CREB5: variants seen among roughly 807,000 people sequenced by gnomAD.
CREB5 encodes cAMP responsive element binding protein 5, also known as cyclic AMP-responsive element-binding protein 5.
In CREB5, 19 loss-of-function variants were observed where a neutral mutation model predicts 57.1. That is an observed-to-expected ratio of 0.33 (90% CI 0.23 to 0.49). CREB5 has a LOEUF of 0.49. CREB5 is among the 20% of genes least tolerant of loss of function. The probability of loss-of-function intolerance (pLI) is 0.99; values close to 1 mark genes in which losing one functional copy is unlikely to be tolerated. For synonymous variants in CREB5, 238 were observed against 238.3 expected (o/e 1.00, Z 0.01); for missense variants, 579 against 671.6 (o/e 0.86, Z 1.52).
chr7:28,800,261 T>C (rs946958810), intron 7 of CREB5, among the ~76,000 whole-genome samples: 3 of 152,198 alleles, frequency 2.0e-5, no homozygotes, highest in Admixed American at 1.3e-4. Context: ...AAAGGGGATG[T>C]CTGAAGTACA....
chr7:28,473,138 C>T (rs1790898985), intron 1 of CREB5, among the ~76,000 whole-genome samples: 1 of 152,126 alleles, frequency 6.6e-6, no homozygotes, highest in Non-Finnish European at 1.5e-5. Context: ...GCCTGGGCAA[C>T]ATAGTGGGAC....
chr7:28,382,435 T>C (rs1446451876), intron 1 of CREB5, among the ~76,000 whole-genome samples: 2 of 120,292 alleles, frequency 1.7e-5, no homozygotes, highest in Non-Finnish European at 4.0e-5. Flanking sequence ...ATGCAATGAT[T>C]GAGAATAAAT....
At chr7:28,760,527 C>T (rs1379350748) in intron 7 of CREB5, among the ~76,000 whole-genome samples, 1 of 152,196 alleles carries the variant, frequency 6.6e-6, no homozygotes, top group Non-Finnish European at 1.5e-5. Flanking sequence ...CTTACCATAA[C>T]TCATGTAGGG....
intron 4 of CREB5, among the ~76,000 whole-genome samples, chr7:28,523,095 C>G (rs1166191589): frequency 6.6e-6 from 1 of 152,180 alleles, no homozygotes; most frequent in Non-Finnish European, 1.5e-5. Context: ...AGACCAATGT[C>G]TGCTTGAATG....
chr7:28,380,878 C>A (rs1786953661), intron 1 of CREB5, among the ~76,000 whole-genome samples: 1 of 152,088 alleles, frequency 6.6e-6, no homozygotes, highest in Admixed American at 6.6e-5. Context: ...CAACTGAGAT[C>A]CTATATGTGA....
chr7:28,642,232 C>A (rs140926426), intron 5 of CREB5, among the ~76,000 whole-genome samples: 1 of 152,104 alleles, frequency 6.6e-6, no homozygotes, highest in South Asian at 2.1e-4. Flanking sequence ...CTTGTGGGAC[C>A]TATGCTGATA....
At chr7:28,631,433 C>A (rs1798197286) in intron 5 of CREB5, among the ~76,000 whole-genome samples, 1 of 152,208 alleles carries the variant, frequency 6.6e-6, no homozygotes, top group Non-Finnish European at 1.5e-5. Context: ...AAATGACCAC[C>A]TCCCAGGGTT....
intron 7 of CREB5, among the ~76,000 whole-genome samples, chr7:28,784,004 T>C (rs954140564): frequency 6.6e-6 from 1 of 152,172 alleles, no homozygotes; most frequent in Non-Finnish European, 1.5e-5. Flanking sequence ...ACCACCAAAA[T>C]GTGCCCAGAA....
intron 1 of CREB5, among the ~76,000 whole-genome samples, chr7:28,463,825 A>G (rs1199946994): frequency 2.0e-5 from 3 of 152,254 alleles, no homozygotes; most frequent in East Asian, 3.9e-4. Context: ...TTAGTTGGAT[A>G]ATTCCTTAGT....
chr7:28,804,054 G>A (rs187519965), intron 7 of CREB5, 145 bp from the exon 8 acceptor site: 7 of 735,418 alleles, frequency 9.5e-6, no homozygotes, highest in African/African-American at 3.6e-5. Flanking sequence ...TCTTGTACTG[G>A]TAGCAAGATA....
rs1809927510 is a variant in CREB5, at chr7:28,824,009, TCTC to T, written c.*4731_*4733del. On this transcript the variant is annotated 3_prime_UTR_variant, in exon 11 of 11. Transcript: ENST00000357727. Reference sequence around the variant, plus strand: ...TTCTCTTATTCTCTTTCTAACCTCTTCTCTGTCCTCAAACTTGCCTTTGCTCTC... The same window carrying T: ...TTCTCTTATTCTCTTTCTAACCTCTTTGTCCTCAAACTTGCCTTTGCTCTC... 1 of 152,622 alleles carries T rather than the reference TCTC, an allele frequency of 6.6e-6. No individual in the cohort carries two copies. The highest frequency in any genetic ancestry group is 1.5e-5 in the Non-Finnish European group (1 of 68,060). 9.5% of individuals were successfully genotyped at this position (152,622 alleles called of 1,614,324 possible).
At chr7:28,302,830 G>T (rs765178652) in intron 1 of CREB5, among the ~76,000 whole-genome samples, 12 of 152,094 alleles carry the variant, frequency 7.9e-5, no homozygotes, top group Non-Finnish European at 1.6e-4. Flanking sequence ...GGACCCACAA[G>T]AATTACATAA....
intron 1 of CREB5, among the ~76,000 whole-genome samples, chr7:28,447,043 G>C (rs1260796428): frequency 2.0e-5 from 3 of 152,082 alleles, no homozygotes; most frequent in African/African-American, 7.2e-5. Flanking sequence ...GTGTCCCTGG[G>C]CAAGTTACTA....
intron 4 of CREB5, among the ~76,000 whole-genome samples, chr7:28,535,732 A>C (rs1431739291): frequency 6.6e-6 from 1 of 152,152 alleles, no homozygotes; most frequent in African/African-American, 2.4e-5. Context: ...GAAGGAAGAA[A>C]GGGAGAAAAG....
chr7:28,676,747 C>A (rs1490294151), intron 5 of CREB5, among the ~76,000 whole-genome samples: 3 of 152,112 alleles, frequency 2.0e-5, no homozygotes, highest in African/African-American at 7.2e-5. Flanking sequence ...TAGATGGGTA[C>A]CTTGCAATAG....
chr7:28,450,957 T>G (rs1176233821), intron 1 of CREB5, among the ~76,000 whole-genome samples: 1 of 152,212 alleles, frequency 6.6e-6, no homozygotes, highest in Non-Finnish European at 1.5e-5. Flanking sequence ...TAGAAGGAAC[T>G]CTAGGTCTAT....
intron 7 of CREB5, among the ~76,000 whole-genome samples, chr7:28,731,402 C>T (rs1470605722): frequency 1.3e-5 from 2 of 152,132 alleles, no homozygotes; most frequent in South Asian, 2.1e-4. Context: ...TCCAAATACA[C>T]GAGAATATAC....
intron 5 of CREB5, among the ~76,000 whole-genome samples, chr7:28,712,149 A>G (rs562849259): frequency 3.3e-5 from 5 of 152,232 alleles, no homozygotes; most frequent in Admixed American, 6.5e-5. Context: ...TCCATTTTAC[A>G]ATGTAATTAT....
At chr7:28,560,817 TGTGTGCGCGCGCGCGC>T (rs1298823796) in intron 4 of CREB5, among the ~76,000 whole-genome samples, 1,269 of 94,648 alleles carry the variant, frequency 0.013, 148 homozygotes, top group African/African-American at 0.045. Flanking sequence ...CGCGTGTGTG[TGTGTGCGCGCGCGCGC>T]GTGTGTGTGT....
Sources: allele counts gnomAD v4.1 joint callset (sites outside exome capture counted in the v4.1 genomes callset), GRCh38; gene constraint gnomAD v4.1.1; transcripts MANE v1.5; gene names NCBI Gene and HGNC (gene_info 2026-07-23, HGNC 2026-07-21).